Variants in NELL1 observed in about 807,000 individuals in gnomAD.
NELL1 encodes the protein neural EGFL like 1, also known as protein kinase C-binding protein NELL1.
A neutral mutation model predicts 107.4 loss-of-function variants in NELL1; 76 were observed. That is an observed-to-expected ratio of 0.71 (90% CI 0.59 to 0.86). The LOEUF (loss-of-function observed/expected upper bound fraction) is 0.86. NELL1 is among the 40% of genes least tolerant of loss of function. The probability of loss-of-function intolerance (pLI) is 0.00; values close to 1 mark genes in which losing one functional copy is unlikely to be tolerated. For missense variants in NELL1, 1,024 were observed against 1,005.5 expected, an observed-to-expected ratio of 1.02 and a Z score of -0.25; for synonymous variants, 353 against 341.2, an observed-to-expected ratio of 1.03 and a Z score of -0.38.
At chr11:20,923,771 C>T (rs1470596020) in intron 7 of NELL1, among the ~76,000 whole-genome samples, 2 of 152,164 alleles carry the variant, frequency 1.3e-5, no homozygotes, top group Non-Finnish European at 2.9e-5. Context: ...CTTGTGACAT[C>T]TTTAATTTTG....
chr11:21,065,524 T>C (rs1853846744), intron 12 of NELL1, among the ~76,000 whole-genome samples: 1 of 152,186 alleles, frequency 6.6e-6, no homozygotes. Flanking sequence ...AAAACATTGA[T>C]TTTGTTTTTA....
chr11:20,799,317 T>G (rs1857235565), intron 3 of NELL1, among the ~76,000 whole-genome samples: 1 of 152,166 alleles, frequency 6.6e-6, no homozygotes, highest in Admixed American at 6.5e-5. Context: ...TTTCACAGTG[T>G]GAGAGACCGT....
chr11:21,119,722 A>G (rs1855320621), intron 13 of NELL1, among the ~76,000 whole-genome samples: 1 of 151,998 alleles, frequency 6.6e-6, no homozygotes, highest in Non-Finnish European at 1.5e-5. Context: ...TTGAAACTGG[A>G]AGAGGTCCCT....
intron 13 of NELL1, among the ~76,000 whole-genome samples, chr11:21,205,742 A>G (rs1187221541): frequency 2.0e-5 from 3 of 152,154 alleles, no homozygotes; most frequent in East Asian, 1.9e-4. Flanking sequence ...CCATTCCTCA[A>G]CAAAGTAGAT....
intron 5 of NELL1, among the ~76,000 whole-genome samples, chr11:20,913,709 A>G (rs1850184132): frequency 6.6e-6 from 1 of 151,948 alleles, no homozygotes; most frequent in South Asian, 2.1e-4. Flanking sequence ...CATCCGTACT[A>G]AATAGTAAGC....
chr11:21,338,729 A>G (rs891614683), intron 14 of NELL1, among the ~76,000 whole-genome samples: 1 of 152,044 alleles, frequency 6.6e-6, no homozygotes, highest in African/African-American at 2.4e-5. Flanking sequence ...GAAGGGAGCT[A>G]TCCCTGCAGC....
intron 13 of NELL1, among the ~76,000 whole-genome samples, chr11:21,212,977 T>A (rs186540708): frequency 6.6e-6 from 1 of 152,276 alleles, no homozygotes; most frequent in East Asian, 1.9e-4. Flanking sequence ...ATTATAAAAA[T>A]GTTGTAGAAC....
intron 15 of NELL1, among the ~76,000 whole-genome samples, chr11:21,406,617 A>C (rs1852242381): frequency 6.6e-6 from 1 of 152,078 alleles, no homozygotes; most frequent in Admixed American, 6.6e-5. Flanking sequence ...ACATTTAGCC[A>C]TCCTACAAAT....
intron 2 of NELL1, among the ~76,000 whole-genome samples, chr11:20,700,843 C>G (rs555026764): frequency 5.9e-5 from 9 of 152,196 alleles, no homozygotes; most frequent in Middle Eastern, 3.4e-3. Context: ...TGAACTTATC[C>G]TTTTTTATGG....
chr11:21,333,164 A>G (rs1850309728), intron 14 of NELL1, among the ~76,000 whole-genome samples: 2 of 152,084 alleles, frequency 1.3e-5, no homozygotes, highest in African/African-American at 4.8e-5. Context: ...CTTAAAACCA[A>G]TAAAAATGAA....
At chr11:21,408,222 C>T (rs574165205) in intron 15 of NELL1, among the ~76,000 whole-genome samples, 1 of 152,172 alleles carries the variant, frequency 6.6e-6, no homozygotes, top group East Asian at 1.9e-4. Context: ...AAATGAAATT[C>T]AACTGGCATT....
intron 15 of NELL1, among the ~76,000 whole-genome samples, chr11:21,523,243 G>T (rs188941377): frequency 6.6e-6 from 1 of 151,984 alleles, no homozygotes; most frequent in Non-Finnish European, 1.5e-5. Context: ...AGTTTAACTT[G>T]TTTGTGCTTC....
intron 3 of NELL1, among the ~76,000 whole-genome samples, chr11:20,845,460 A>G (rs995603403): frequency 6.6e-6 from 1 of 152,188 alleles, no homozygotes; most frequent in Non-Finnish European, 1.5e-5. Flanking sequence ...TCATTGATTG[A>G]AGCCCTTTCA....
At chr11:21,396,669 G>C (rs75596884) in intron 15 of NELL1, among the ~76,000 whole-genome samples, 2,887 of 151,714 alleles carry the variant, frequency 0.019, 36 homozygotes, top group East Asian at 0.032. Flanking sequence ...CTCTGTATGA[G>C]AGGTTTAGAT....
chr11:21,234,603 T>G (rs932312804), intron 14 of NELL1, among the ~76,000 whole-genome samples: 1 of 152,146 alleles, frequency 6.6e-6, no homozygotes, highest in Non-Finnish European at 1.5e-5. Flanking sequence ...GGAACATAGG[T>G]GAAATCTTTA....
At position 21,482,743 on chromosome 11, in the gene NELL1, G is replaced by T. The variant is rs79661189; in HGVS notation, c.1646-51631G>T. On this transcript the variant is annotated intron_variant, in intron 15 of 19. Coordinates refer to ENST00000357134, the MANE Select transcript of NELL1 (RefSeq NM_006157.5). ...CATGGCCGTATATGAGAATTTCCTG[G>T]AGAGCTTAAAAAAAAAAAAAAGAAA... Among the ~76,000 whole-genome samples the T allele has an allele frequency of 0.018, 2,666 of 149,420 alleles. 203 individuals carry two copies. In the East Asian group the frequency reaches 0.22, roughly 12 times the overall value.
intron 15 of NELL1, among the ~76,000 whole-genome samples, chr11:21,437,551 G>C (rs7101708): frequency 0.33 from 49,622 of 151,922 alleles, 9,700 homozygotes; most frequent in Non-Finnish European, 0.43. Flanking sequence ...TAGAGATGGG[G>C]TTTCTCCATG....
Position 21,179,862 on chromosome 11 carries a change from C to CTTTTTTTTTT in NELL1, c.1427-49454_1427-49445dup, listed in dbSNP as rs1164420669. Among the ~76,000 whole-genome samples the CTTTTTTTTTT allele has an allele frequency of 7.3e-4, 55 of 75,702 alleles. 4 individuals are homozygous for CTTTTTTTTTT. Among genetic ancestry groups the CTTTTTTTTTT allele is most frequent in the Non-Finnish European group, 8.2e-4 (36 of 44,108 alleles). The allele number at this position is 75,702 out of a possible 152,430, so 49.7% of individuals were successfully genotyped here. ...AAGGTTTAGGACAGAAATCAACACA[C>CTTTTTTTTTT]TTTTTTTTTTTTTTTTTTTTTTTTT... is the stretch of plus-strand genomic sequence containing the variant. On this transcript the variant is annotated intron_variant, in intron 13 of 19. Coordinates refer to ENST00000357134, the MANE Select transcript of NELL1 (RefSeq NM_006157.5).
At chr11:21,434,837 G>A (rs1325032477) in intron 15 of NELL1, among the ~76,000 whole-genome samples, 1 of 151,628 alleles carries the variant, frequency 6.6e-6, no homozygotes, top group East Asian at 1.9e-4. Context: ...ATTTTTTTGT[G>A]TCCTCTTCAA....
Sources: gnomAD v4.1 joint callset for allele counts (sites outside exome capture counted in the v4.1 genomes callset) on GRCh38, gnomAD v4.1.1 for gene constraint, MANE v1.5 for transcripts, NCBI Gene and HGNC (gene_info 2026-07-23, HGNC 2026-07-21) for gene names.